Variants in TOP6BL observed in about 807,000 individuals in gnomAD.
TOP6BL encodes TOP6B like initiator of meiotic double strand breaks.
chr11:66,843,310 C>T, the TOP6BL span: 74 of 1,550,674 alleles, frequency 4.8e-5, no homozygotes, highest in East Asian at 1.0e-3. Flanking sequence ...AATAAAGCTG[C>T]CGCGCGCTCA....
At chr11:66,758,302 C>CTTTTTTTTTTTTTTTTTTTTTTTTTTTTT in the TOP6BL span, 5 of 67,318 alleles carry the variant, frequency 7.4e-5, 2 homozygotes, top group African/African-American at 1.4e-4. Flanking sequence ...TTTTCTTTTT[C>CTTTTTTTTTTTTTTTTTTTTTTTTTTTTT]TTTTTTTTTT....
the TOP6BL span, among the ~76,000 whole-genome samples, chr11:66,802,630 C>CT: frequency 1.3e-5 from 2 of 152,132 alleles, no homozygotes; most frequent in African/African-American, 4.8e-5. Flanking sequence ...GTTTCTGCCT[C>CT]TATTTATGTG....
the TOP6BL span, among the ~76,000 whole-genome samples, chr11:66,747,174 T>C: frequency 7.9e-5 from 12 of 152,020 alleles, no homozygotes; most frequent in Non-Finnish European, 1.8e-4. Context: ...TGACCTCAGG[T>C]GATCCACCGC....
the TOP6BL span, among the ~76,000 whole-genome samples, chr11:66,819,434 A>T: frequency 2.0e-4 from 31 of 152,230 alleles, no homozygotes; most frequent in Admixed American, 2.0e-3. Context: ...ATACATTAAC[A>T]TAGCAATAGC....
chr11:66,747,825 G>C, the TOP6BL span, among the ~76,000 whole-genome samples: 1 of 151,614 alleles, frequency 6.6e-6, no homozygotes, highest in Non-Finnish European at 1.5e-5. Flanking sequence ...TGCGTATGTT[G>C]TCCAGGCTGA....
At chr11:66,822,764 G>A in the TOP6BL span, 4 of 870,064 alleles carry the variant, frequency 4.6e-6, no homozygotes, top group African/African-American at 3.4e-5. Flanking sequence ...AGCACTTTGG[G>A]AGGCCAAGGT....
the TOP6BL span, among the ~76,000 whole-genome samples, chr11:66,831,564 G>T: frequency 6.6e-6 from 1 of 152,164 alleles, no homozygotes; most frequent in African/African-American, 2.4e-5. Flanking sequence ...ATCTACACAG[G>T]TCAGTGGTTA....
chr11:66,825,247 G>A, the TOP6BL span, among the ~76,000 whole-genome samples: 1 of 151,126 alleles, frequency 6.6e-6, no homozygotes, highest in Non-Finnish European at 1.5e-5. Flanking sequence ...GGGAGGCCAA[G>A]GTGGGTGGAT....
the TOP6BL span, among the ~76,000 whole-genome samples, chr11:66,819,579 C>T: frequency 6.6e-6 from 1 of 152,132 alleles, no homozygotes; most frequent in African/African-American, 2.4e-5. Flanking sequence ...AAGACCAGCT[C>T]GGGCAACACA....
the TOP6BL span, among the ~76,000 whole-genome samples, chr11:66,794,369 G>C: frequency 0.012 from 1,843 of 152,004 alleles, 10 homozygotes; most frequent in Middle Eastern, 0.017. Flanking sequence ...TCTAACTTTG[G>C]TTTTAGGAAC....
At chr11:66,836,606 A>C in the TOP6BL span, among the ~76,000 whole-genome samples, 1 of 149,376 alleles carries the variant, frequency 6.7e-6, no homozygotes, top group African/African-American at 2.5e-5. Flanking sequence ...TAATCCCAGC[A>C]CTTTGGGAGG....
the TOP6BL span, among the ~76,000 whole-genome samples, chr11:66,823,264 A>T: frequency 6.8e-6 from 1 of 147,112 alleles, no homozygotes; most frequent in African/African-American, 2.5e-5. Context: ...ATTGTACTCC[A>T]GCCCAGGTGA....
the TOP6BL span, among the ~76,000 whole-genome samples, chr11:66,759,770 G>C: frequency 6.6e-6 from 1 of 152,152 alleles, no homozygotes. Flanking sequence ...TCTTAGTAGA[G>C]ATGGGGTTTC....
chr11:66,774,896 C>T, the TOP6BL span, among the ~76,000 whole-genome samples: 5 of 151,474 alleles, frequency 3.3e-5, no homozygotes, highest in East Asian at 5.9e-4. Flanking sequence ...GGCAGATTAC[C>T]GGAGGTGGGA....
the TOP6BL span, among the ~76,000 whole-genome samples, chr11:66,807,234 C>T: frequency 6.6e-6 from 1 of 152,248 alleles, no homozygotes; most frequent in South Asian, 2.1e-4. Flanking sequence ...ATAATTTAGA[C>T]CAACCTTCTC....
chr11:66,788,470 AT>A, the TOP6BL span, among the ~76,000 whole-genome samples: 1 of 152,166 alleles, frequency 6.6e-6, no homozygotes. Flanking sequence ...ACTCTGAGTG[AT>A]TGTGATTTAA....
At chr11:66,757,550 T>C in the TOP6BL span, among the ~76,000 whole-genome samples, 2 of 152,150 alleles carry the variant, frequency 1.3e-5, no homozygotes, top group East Asian at 1.9e-4. Context: ...CACATGTGAC[T>C]ATGGAGTGCT....
chr11:66,780,229 A>T, the TOP6BL span, among the ~76,000 whole-genome samples: 2 of 152,186 alleles, frequency 1.3e-5, no homozygotes, highest in Admixed American at 1.3e-4. Context: ...AGTATTTTTA[A>T]ATACTCAAAT....
chr11:66,791,487 CTG>C, the TOP6BL span, among the ~76,000 whole-genome samples: 5 of 152,014 alleles, frequency 3.3e-5, no homozygotes, highest in South Asian at 6.2e-4. Context: ...ATCTGTACTT[CTG>C]TGTGTATGTA....
Sources: gnomAD v4.1 joint callset for allele counts (sites outside exome capture counted in the v4.1 genomes callset) on GRCh38, gnomAD v4.1.1 for gene constraint, MANE v1.5 for transcripts, NCBI Gene and HGNC (gene_info 2026-07-23, HGNC 2026-07-21) for gene names.